Variants in ADCY3 observed in about 807,000 individuals in gnomAD.
ADCY3 encodes the protein adenylate cyclase 3.
Under a neutral mutation model 119.4 loss-of-function variants are expected in ADCY3, and 70 were observed. The observed-to-expected ratio is 0.59, with a 90% confidence interval of 0.48 to 0.72. The LOEUF (loss-of-function observed/expected upper bound fraction) is 0.72. Among genes scored for constraint, ADCY3 ranks in the 30% least tolerant of loss-of-function variants. The pLI, the probability that ADCY3 is intolerant of heterozygous loss-of-function variation, is 0.00. For synonymous variants in ADCY3, 672 were observed against 621.4 expected (o/e 1.08, Z -1.21); for missense variants, 1,238 against 1,541.6 (o/e 0.80, Z 3.30).
At chr2:24,916,017 A>G (rs1320135923) in intron 2 of ADCY3, among the ~76,000 whole-genome samples, 1 of 152,194 alleles carries the variant, frequency 6.6e-6, no homozygotes, top group East Asian at 1.9e-4. Context: ...CTTCGATCTC[A>G]GGCTCCCAAT....
At chr2:24,845,014 A>G (rs953508942) in intron 3 of ADCY3, among the ~76,000 whole-genome samples, 1 of 151,968 alleles carries the variant, frequency 6.6e-6, no homozygotes, top group East Asian at 1.9e-4. Flanking sequence ...CTTTTTGCTC[A>G]TTTTCTCTTG....
At chr2:24,828,612 G>T (rs1170559922) in intron 13 of ADCY3, among the ~76,000 whole-genome samples, 1 of 152,206 alleles carries the variant, frequency 6.6e-6, no homozygotes, top group African/African-American at 2.4e-5. Context: ...TTCCATTGGG[G>T]GGATGTTCAC....
Position 24,841,492 on chromosome 2 carries a change from G to A in ADCY3, c.1068+64C>T, listed in dbSNP as rs902455030. ...GGGAGAAAATCATGGGGCCGGGGAT[G>A]GGGGCCAGGCAGAGGCCATGAGGGC... On this transcript the variant is annotated intron_variant, in intron 5 of 21. Transcript: ENST00000679454. The surrounding 1 kb of genome is among the most constrained non-coding windows in gnomAD (Gnocchi z 5.8). 9 of 1,588,422 alleles carry A rather than the reference G, an allele frequency of 5.7e-6. No homozygotes were observed. Among genetic ancestry groups the A allele is most frequent in the African/African-American group, 1.3e-5 (1 of 74,482 alleles).
intron 14 of ADCY3, 41 bp downstream of exon 14, chr2:24,827,861 G>A: frequency 6.2e-7 from 1 of 1,608,490 alleles, no homozygotes; most frequent in South Asian, 1.1e-5. Context: ...GCGGGCGGGA[G>A]GAAGGAGACA....
chr2:24,873,487 C>A (rs971392097), intron 2 of ADCY3, among the ~76,000 whole-genome samples: 17 of 152,198 alleles, frequency 1.1e-4, no homozygotes, highest in African/African-American at 4.1e-4. Flanking sequence ...TATTCCCCAT[C>A]CCTGGCACCC....
chr2:24,891,592 T>C (rs1677662787), intron 2 of ADCY3, among the ~76,000 whole-genome samples: 1 of 152,220 alleles, frequency 6.6e-6, no homozygotes, highest in African/African-American at 2.4e-5. Flanking sequence ...AAAAAATTTC[T>C]CAACCAAAGG....
At chr2:24,862,239 A>G (rs1448609083) in intron 3 of ADCY3, among the ~76,000 whole-genome samples, 2 of 152,034 alleles carry the variant, frequency 1.3e-5, no homozygotes, top group Non-Finnish European at 2.9e-5. Flanking sequence ...GTCCCTTTCT[A>G]TCTGGTTTTA....
chr2:24,907,018 CTA>C (rs1316080111), intron 2 of ADCY3, among the ~76,000 whole-genome samples: 1 of 152,146 alleles, frequency 6.6e-6, no homozygotes, highest in Non-Finnish European at 1.5e-5. Context: ...GTAATCCCAG[CTA>C]CTCGGAAGGC....
chr2:24,850,506 G>C (rs777243593), intron 3 of ADCY3, among the ~76,000 whole-genome samples: 2 of 152,188 alleles, frequency 1.3e-5, no homozygotes, highest in Non-Finnish European at 2.9e-5. Context: ...GGATTGCTCA[G>C]GGCCCCAGGG....
intron 16 of ADCY3, 129 bp from the exon 17 acceptor site, chr2:24,824,665 G>C: frequency 1.0e-6 from 1 of 958,786 alleles, no homozygotes; most frequent in Non-Finnish European, 1.5e-6. Context: ...GAGGCAGGCG[G>C]ATCACCTGAG....
intron 3 of ADCY3, among the ~76,000 whole-genome samples, chr2:24,864,692 G>C (rs939498961): frequency 6.6e-6 from 1 of 152,326 alleles, no homozygotes; most frequent in East Asian, 1.9e-4. Context: ...TAGAACAGTG[G>C]TTACCAGAGT....
At chr2:24,821,334 T>C in intron 20 of ADCY3, 183 bp downstream of exon 20, 2 of 812,816 alleles carry the variant, frequency 2.5e-6, no homozygotes, top group South Asian at 3.6e-5. Context: ...GCTGGGTTTT[T>C]GGTTTAGTCA....
intron 21 of ADCY3, 59 bp from the exon 22 acceptor site, chr2:24,820,173 G>A (rs2148320447): frequency 2.3e-6 from 3 of 1,328,972 alleles, no homozygotes; most frequent in East Asian, 2.5e-5. Context: ...ACTGAGGGCG[G>A]GTGGGGGCTT....
At chr2:24,910,912 C>T (rs991795127) in intron 2 of ADCY3, among the ~76,000 whole-genome samples, 5 of 151,976 alleles carry the variant, frequency 3.3e-5, no homozygotes, top group Admixed American at 6.6e-5. Flanking sequence ...TCCAAAGTGC[C>T]GGGATTACAG....
intron 3 of ADCY3, among the ~76,000 whole-genome samples, chr2:24,852,557 C>T (rs922545199): frequency 3.9e-5 from 6 of 152,228 alleles, no homozygotes; most frequent in Admixed American, 1.3e-4. Context: ...TGGCAAAGCC[C>T]GGCCTCAGAG....
intron 6 of ADCY3, 102 bp from the exon 7 acceptor site, chr2:24,840,133 CCACA>C: frequency 6.8e-7 from 1 of 1,465,014 alleles, no homozygotes; most frequent in South Asian, 1.3e-5. Context: ...CTCTTCCCCT[CCACA>C]AGAGGGGGCC....
At chr2:24,847,907 T>A (rs1350166895) in intron 3 of ADCY3, among the ~76,000 whole-genome samples, 2 of 152,194 alleles carry the variant, frequency 1.3e-5, no homozygotes, top group Non-Finnish European at 2.9e-5. Context: ...GCTGGGTTTC[T>A]CTGGTCAGTA....
chr2:24,842,177 C>A lies in ADCY3; in HGVS notation c.956+77G>T. 1 of 1,597,872 alleles carries A rather than the reference C, an allele frequency of 6.3e-7. No individual in the cohort carries two copies. The highest frequency in any genetic ancestry group is 8.5e-7 in the Non-Finnish European group (1 of 1,173,340). On this transcript the variant is annotated intron_variant, in intron 4 of 21. Coordinates refer to ENST00000679454, the MANE Select transcript of ADCY3 (RefSeq NM_004036.5). This position sits in a 1 kb window ranked among gnomAD's most constrained non-coding sequence, Gnocchi z 4.9. ...CTGGAAAACCTCTTGAAGCCCACAGCACCTAGCGGGTCCCACAAAGATGCA... is the reference window on the plus strand; with the variant it reads ...CTGGAAAACCTCTTGAAGCCCACAGAACCTAGCGGGTCCCACAAAGATGCA...
intron 2 of ADCY3, among the ~76,000 whole-genome samples, chr2:24,876,193 T>C (rs1675691999): frequency 6.6e-6 from 1 of 152,212 alleles, no homozygotes; most frequent in Admixed American, 6.5e-5. Context: ...TCTTGCTATA[T>C]TGCCCAGGCT....
Sources: gnomAD v4.1 joint callset for allele counts (sites outside exome capture counted in the v4.1 genomes callset) on GRCh38, gnomAD v4.1.1 for gene constraint, Gnocchi (gnomAD v3.1) non-coding constraint, MANE v1.5 for transcripts, NCBI Gene and HGNC (gene_info 2026-07-23, HGNC 2026-07-21) for gene names.